Variants in FGF14 observed in about 807,000 individuals in gnomAD.
FGF14 encodes the protein fibroblast growth factor 14, also known as fibroblast growth factor homologous factor 4.
In FGF14, 5 loss-of-function variants were observed where a neutral mutation model predicts 25.5. That is an observed-to-expected ratio of 0.20 (90% confidence interval 0.10 to 0.41). FGF14 has a LOEUF of 0.41. FGF14 is among the 10% of genes least tolerant of loss of function. The pLI is 1.00. For synonymous variants in FGF14, 138 were observed against 118.3 expected, an observed-to-expected ratio of 1.17 and a Z score of -1.08; for missense variants, 222 against 320.1, an observed-to-expected ratio of 0.69 and a Z score of 2.34.
intron 1 of FGF14, among the ~76,000 whole-genome samples, chr13:101,992,489 A>G (rs1197929795): frequency 6.6e-6 from 1 of 152,118 alleles, no homozygotes; most frequent in African/African-American, 2.4e-5. Context: ...AAGAATCAGG[A>G]CTCCATTCAG....
At chr13:102,392,922 G>A (rs1461033062) in intron 1 of FGF14, among the ~76,000 whole-genome samples, 1 of 152,158 alleles carries the variant, frequency 6.6e-6, no homozygotes, top group African/African-American at 2.4e-5. Flanking sequence ...ATATGATCAT[G>A]ACACAGAAGA....
At chr13:102,254,719 C>T (rs2052356301) in intron 1 of FGF14, among the ~76,000 whole-genome samples, 1 of 152,132 alleles carries the variant, frequency 6.6e-6, no homozygotes, top group Admixed American at 6.5e-5. Flanking sequence ...CTGGCCTCTA[C>T]CCACTAAATG....
chr13:102,254,353 T>G (rs534093550), intron 1 of FGF14, among the ~76,000 whole-genome samples: 1 of 152,208 alleles, frequency 6.6e-6, no homozygotes, highest in East Asian at 1.9e-4. Flanking sequence ...GAGCTCTGGA[T>G]CAGATCTGAG....
chr13:101,865,575 T>C (rs530912455), intron 3 of FGF14, among the ~76,000 whole-genome samples: 11 of 152,196 alleles, frequency 7.2e-5, no homozygotes, highest in Admixed American at 3.9e-4. Context: ...ACAGGTGCCT[T>C]TAGCATTGGA....
At chr13:101,729,535 T>C (rs1326049137) in intron 3 of FGF14, among the ~76,000 whole-genome samples, 1 of 152,126 alleles carries the variant, frequency 6.6e-6, no homozygotes, top group East Asian at 1.9e-4. Context: ...TTGGGGAAAT[T>C]ACTCAATCTC....
chr13:101,984,777 A>G (rs2038469473), intron 1 of FGF14, among the ~76,000 whole-genome samples: 1 of 152,172 alleles, frequency 6.6e-6, no homozygotes, highest in African/African-American at 2.4e-5. Context: ...ACTGAAGACA[A>G]GTGTTCATAA....
At position 101,978,121 on chromosome 13, in the gene FGF14, T is replaced by C. The variant is rs533397516; in HGVS notation, c.209-102825A>G. 2.6e-5 allele frequency among the ~76,000 whole-genome samples: 4 copies of C among 152,334 alleles called. No homozygotes were observed. In the South Asian group the frequency reaches 8.3e-4, roughly 32 times the overall value. On this transcript the variant is annotated intron_variant, in intron 1 of 4. Transcript: ENST00000376131. ...TCCAAAACAGGGAGATTTAAACAGG[T>C]TAACAAAAATTGGGGTGCTTTTTTG...
At chr13:101,911,683 C>T (rs1030652286) in intron 1 of FGF14, among the ~76,000 whole-genome samples, 2 of 151,918 alleles carry the variant, frequency 1.3e-5, no homozygotes, top group Non-Finnish European at 2.9e-5. Flanking sequence ...ATAGTATGTC[C>T]CTTGTTAAAA....
intron 1 of FGF14, among the ~76,000 whole-genome samples, chr13:102,194,463 G>A (rs550998221): frequency 1.3e-5 from 2 of 151,690 alleles, no homozygotes; most frequent in East Asian, 3.9e-4. Context: ...ATTGTGTGTT[G>A]TTCCCCTGCT....
Position 101,712,954 on chromosome 13 carries a change from G to A in FGF14, c.*9877C>T, listed in dbSNP as rs1338418152. 1 of 152,134 alleles carries A rather than the reference G, an allele frequency of 6.6e-6. No individual in the cohort carries two copies. The highest frequency in any genetic ancestry group is 1.5e-5 in the Non-Finnish European group (1 of 68,030). The allele number at this position is 152,134 out of a possible 1,614,324, so 9.4% of individuals were successfully genotyped here. A position where few individuals can be genotyped will look rare whatever the true frequency, so the allele number is the denominator to read the frequency against. ...GGGCTGTCAGTCAATTATTAAAACT[G>A]AGAAGACGTGTATATTTCCTCAAGA... On this transcript the variant is annotated 3_prime_UTR_variant, in exon 5 of 5. Coordinates refer to ENST00000376143, the MANE Select transcript of FGF14 (RefSeq NM_004115.4).
chr13:101,990,601 A>C (rs2038846889), intron 1 of FGF14, among the ~76,000 whole-genome samples: 1 of 152,090 alleles, frequency 6.6e-6, no homozygotes, highest in South Asian at 2.1e-4. Flanking sequence ...AGGTTTAAAA[A>C]GATGGCCATC....
At chr13:101,757,936 A>T (rs532764656) in intron 3 of FGF14, among the ~76,000 whole-genome samples, 1 of 152,330 alleles carries the variant, frequency 6.6e-6, no homozygotes, top group Admixed American at 6.5e-5. Context: ...CTAAAATGGA[A>T]GAATAAAAAT....
intron 1 of FGF14, among the ~76,000 whole-genome samples, chr13:101,961,007 G>A (rs1215423983): frequency 6.6e-6 from 1 of 152,014 alleles, no homozygotes; most frequent in Non-Finnish European, 1.5e-5. Context: ...AGAAGTGTCT[G>A]TTCATATCTT....
chr13:101,968,863 T>TTTC (rs1397269441), intron 1 of FGF14, among the ~76,000 whole-genome samples: 2 of 151,296 alleles, frequency 1.3e-5, no homozygotes, highest in African/African-American at 4.9e-5. Context: ...CCTTTTTTTT[T>TTTC]TTTTTTTTTA....
intron 1 of FGF14, among the ~76,000 whole-genome samples, chr13:102,229,171 G>T (rs1255788142): frequency 3.3e-5 from 5 of 152,168 alleles, no homozygotes; most frequent in Non-Finnish European, 5.9e-5. Flanking sequence ...AGCAGACTTT[G>T]TGAGTTTTGT....
At chr13:102,185,742 T>G (rs190666680) in intron 1 of FGF14, among the ~76,000 whole-genome samples, 15 of 152,270 alleles carry the variant, frequency 9.9e-5, no homozygotes, top group Admixed American at 9.2e-4. Flanking sequence ...TGGAGATGGA[T>G]CCACCAGATT....
intron 1 of FGF14, among the ~76,000 whole-genome samples, chr13:102,147,543 T>G (rs1000795537): frequency 3.3e-5 from 5 of 152,176 alleles, no homozygotes; most frequent in African/African-American, 1.2e-4. Context: ...ATTGTGACAG[T>G]GCAGAGATAC....
chr13:101,884,022 C>T (rs192678023), intron 1 of FGF14, among the ~76,000 whole-genome samples: 2 of 134,808 alleles, frequency 1.5e-5, no homozygotes, highest in African/African-American at 5.7e-5. Flanking sequence ...CAGATCGCAC[C>T]ACTGCACTCC....
chr13:101,748,747 TAA>T (rs55785965), intron 3 of FGF14, among the ~76,000 whole-genome samples: 32,840 of 71,232 alleles, frequency 0.46, 4,556 homozygotes, highest in Admixed American at 0.51. Flanking sequence ...TGGAGGTTTC[TAA>T]AAAAAAAAAA....
Sources: allele counts gnomAD v4.1 joint callset (sites outside exome capture counted in the v4.1 genomes callset), GRCh38; gene constraint gnomAD v4.1.1; transcripts MANE v1.5; gene names NCBI Gene and HGNC (gene_info 2026-07-23, HGNC 2026-07-21).